TIMM10B: variants seen among roughly 807,000 people sequenced by gnomAD.
TIMM10B encodes translocase of inner mitochondrial membrane 10B, also known as mitochondrial import inner membrane translocase subunit Tim10 B.
TIMM10B carries 17 observed loss-of-function variants against 12.6 expected under a neutral mutation model. The observed-to-expected ratio is 1.35, with a 90% confidence interval of 0.92 to 2.03. The LOEUF (loss-of-function observed/expected upper bound fraction) is 2.03. Ranked by LOEUF, TIMM10B falls within the 30% of genes most tolerant of loss-of-function variation. The pLI, the probability that TIMM10B is intolerant of heterozygous loss-of-function variation, is 0.00. For synonymous variants in TIMM10B, 63 were observed against 51.3 expected, an observed-to-expected ratio of 1.23 and a Z score of -0.97; for missense variants, 165 against 133.3, an observed-to-expected ratio of 1.24 and a Z score of -1.17.
In TIMM10B at chr11:6,483,881, T is replaced by C. The variant is rs1016520738; in HGVS notation, c.*1660T>C. 9 of 152,200 alleles carry C rather than the reference T, an allele frequency of 5.9e-5. No homozygotes were observed. The highest frequency in any genetic ancestry group is 2.2e-4 in the African/African-American group (9 of 41,446). The allele number at this position is 152,200 out of a possible 1,614,324, so 9.4% of individuals were successfully genotyped here. ...GATCTGACTTTAAAGTCCATGTTCATTTTACACAGCAGGCTGCCTCTTAAG... is the reference window on the plus strand; with the variant it reads ...GATCTGACTTTAAAGTCCATGTTCACTTTACACAGCAGGCTGCCTCTTAAG... On this transcript the variant is annotated 3_prime_UTR_variant, in exon 3 of 3. Transcript: ENST00000254616.
In TIMM10B at chr11:6,481,745, C is replaced by T. The variant is rs747199863; in HGVS notation, c.40-12C>T. 3.1e-6 allele frequency: 5 copies of T among 1,613,962 alleles called. No individual in the cohort carries two copies. In the East Asian group the frequency reaches 8.9e-5, roughly 29 times the overall value. ...CCTTATCGCTGAGTTTGTGGTCCCC[C>T]TTTTCTCTCAGCTGCGTGACTTCCT... On this transcript the variant is annotated splice_polypyrimidine_tract_variant and intron_variant, in intron 1 of 2. Coordinates refer to ENST00000254616, the MANE Select transcript of TIMM10B (RefSeq NM_012192.4).
Position 6,482,258 on chromosome 11 carries a change from C to T in TIMM10B, c.*37C>T. ...CCCAGGAAGGAAGGCCTTGGATGGACCCTCAGATTGAAGGACCCGGTGGAC... is the reference window on the plus strand; with the variant it reads ...CCCAGGAAGGAAGGCCTTGGATGGATCCTCAGATTGAAGGACCCGGTGGAC... On this transcript the variant is annotated 3_prime_UTR_variant, in exon 3 of 3. Coordinates refer to ENST00000254616, the MANE Select transcript of TIMM10B (RefSeq NM_012192.4). 2 of 1,565,198 alleles carry T rather than the reference C, an allele frequency of 1.3e-6. No individual in the cohort carries two copies. Among genetic ancestry groups the T allele is most frequent in the Non-Finnish European group, 1.7e-6 (2 of 1,152,320 alleles).
Position 6,481,516 on chromosome 11 carries a change from G to A in TIMM10B, c.-1G>A. The A allele has an allele frequency of 6.2e-7, 1 of 1,612,938 alleles. No homozygotes were observed. Among genetic ancestry groups the A allele is most frequent in the Non-Finnish European group, 8.5e-7 (1 of 1,179,866 alleles). On this transcript the variant is annotated 5_prime_UTR_variant, in exon 1 of 3. Transcript: ENST00000254616. ...GGCGTACGGCATGCGCCGGTGGCGT[G>A]ATGGAGCGGCAGCAGCAGCAGCAAC...
Position 6,482,174 on chromosome 11 carries a change from C to G in TIMM10B, c.265C>G (p.Pro89Ala). ...AGACTACGAGGCTGCCTCGGCTGTGCCAGGCGTTGCTGCTGAACAGCCTGG... is the reference window on the plus strand; with the variant it reads ...AGACTACGAGGCTGCCTCGGCTGTGGCAGGCGTTGCTGCTGAACAGCCTGG... ...IADYEAASAV[P>A]GVAAEQPGVS... The change falls in exon 3 of 3, where the codon CCA becomes GCA. Residue 89 changes from proline to alanine, a missense_variant. Transcript: ENST00000254616. 1 of 1,610,922 alleles carries G rather than the reference C, an allele frequency of 6.2e-7. No individual in the cohort carries two copies. Among genetic ancestry groups the G allele is most frequent in the Non-Finnish European group, 8.5e-7 (1 of 1,179,934 alleles).
chr11:6,481,800 G>C lies in TIMM10B; in HGVS notation c.83G>C (p.Cys28Ser), dbSNP rs753510424. The change falls in exon 2 of 3, where the codon TGC becomes TCC. Residue 28 changes from cysteine to serine, a missense_variant. Coordinates refer to ENST00000254616, the MANE Select transcript of TIMM10B (RefSeq NM_012192.4). ...LLVYNRMTEL[C>S]FQRCVPSLHH... is the part of the protein sequence containing the mutation. Reference sequence around the variant, plus strand: ...GTCTACAATCGGATGACAGAACTCTGCTTCCAGCGCTGTGTGCCCAGCTTG... The same window carrying C: ...GTCTACAATCGGATGACAGAACTCTCCTTCCAGCGCTGTGTGCCCAGCTTG... The C allele has an allele frequency of 6.2e-6, 10 of 1,613,956 alleles. No homozygotes were observed. In the South Asian group the frequency reaches 9.9e-5, roughly 16 times the overall value.
In TIMM10B at chr11:6,482,184, C is replaced by A; in HGVS notation, c.275C>A (p.Ala92Asp). The change falls in exon 3 of 3, where the codon GCT (alanine) becomes GAT (aspartate). Residue 92 changes from alanine to aspartate, a missense_variant. By Grantham distance (126) the Ala-to-Asp change is moderately radical (BLOSUM62 -2). Transcript: ENST00000254616. Reference sequence around the variant, plus strand: ...GCTGCCTCGGCTGTGCCAGGCGTTGCTGCTGAACAGCCTGGGGTCTCTCCA... The same window carrying A: ...GCTGCCTCGGCTGTGCCAGGCGTTGATGCTGAACAGCCTGGGGTCTCTCCA... ...YEAASAVPGV[A>D]AEQPGVSPSG... 1 of 1,610,248 alleles carries A rather than the reference C, an allele frequency of 6.2e-7. No individual in the cohort carries two copies. The highest frequency in any genetic ancestry group is 8.5e-7 in the Non-Finnish European group (1 of 1,179,886).
Position 6,481,774 on chromosome 11 carries a change from G to A in TIMM10B, c.57G>A (p.Leu19=), listed in dbSNP as rs1417988301. The part of the protein sequence containing the change: ...QQLRNLRDFL[L]VYNRMTELCF... The stretch of plus-strand genomic sequence containing the variant: ...TCTCTCAGCTGCGTGACTTCCTGTT[G>A]GTCTACAATCGGATGACAGAACTCT... Residue 19 remains leucine, a synonymous_variant, in exon 2 of 3, where the codon TTG becomes TTA. Transcript: ENST00000254616. 4 of 1,613,982 alleles carry A rather than the reference G, an allele frequency of 2.5e-6. No homozygotes were observed. The highest frequency in any genetic ancestry group is 1.1e-5 in the South Asian group (1 of 91,082).
chr11:6,481,918 C>A (rs190145549), intron 2 of TIMM10B, 66 bp downstream of exon 2: 6 of 1,604,710 alleles, frequency 3.7e-6, no homozygotes, highest in Non-Finnish European at 5.1e-6. Flanking sequence ...TCCCTCCTCA[C>A]CCCACTTCCC....
chr11:6,481,538 C>T lies in TIMM10B; in HGVS notation c.22C>T (p.Gln8Ter). The T allele has an allele frequency of 1.9e-6, 3 of 1,611,794 alleles. No homozygotes were observed. Among genetic ancestry groups the T allele is most frequent in the Non-Finnish European group, 2.5e-6 (3 of 1,179,230 alleles). Residue 8 changes from glutamine (Q) to a stop codon, truncating the protein, a stop_gained, in exon 1 of 3, where the codon CAA (glutamine) becomes TAA (stop). Coordinates refer to ENST00000254616, the MANE Select transcript of TIMM10B (RefSeq NM_012192.4). LOFTEE classifies it high-confidence loss of function. Reference protein sequence around the residue: MERQQQQQQQLRNLRDFL... With the variant: MERQQQQ ...CGTGATGGAGCGGCAGCAGCAGCAGCAACAGCAACTGCGAAACGTAAGTGA... is the reference window on the plus strand; with the variant it reads ...CGTGATGGAGCGGCAGCAGCAGCAGTAACAGCAACTGCGAAACGTAAGTGA...
rs906998553 is a variant in TIMM10B at position 6,483,507 on chromosome 11, A to C, written c.*1286A>C. 24 of 152,322 alleles carry C rather than the reference A, an allele frequency of 1.6e-4. No individual in the cohort carries two copies. Among genetic ancestry groups the C allele is most frequent in the African/African-American group, 5.5e-4 (23 of 41,450 alleles). 9.4% of individuals were successfully genotyped at this position (152,322 alleles called of 1,614,324 possible). On this transcript the variant is annotated 3_prime_UTR_variant, in exon 3 of 3. Transcript: ENST00000254616. ...ATTCCTTCATTCAAACTGCTAGAGA[A>C]AAACAGTTGTGTAATGAATGCCACT...
Position 6,482,624 on chromosome 11 carries a change from G to A in TIMM10B, c.*403G>A, listed in dbSNP as rs1025541241. 13 of 169,836 alleles carry A rather than the reference G, an allele frequency of 7.7e-5. No individual in the cohort carries two copies. The highest frequency in any genetic ancestry group is 2.6e-4 in the African/African-American group (11 of 42,152). The allele number at this position is 169,836 out of a possible 1,614,324, so 10.5% of individuals were successfully genotyped here. The stretch of plus-strand genomic sequence containing the variant: ...CTTCACAACAAAACTATGAGTAAGC[G>A]GTATTAGCCTCACTTAACAGATGAG... On this transcript the variant is annotated 3_prime_UTR_variant, in exon 3 of 3. Transcript: ENST00000254616.
rs752348317 is a variant in TIMM10B at position 6,481,569 on chromosome 11, A to G, written c.39+14A>G. 2 of 1,600,170 alleles carry G rather than the reference A, an allele frequency of 1.2e-6. No individual in the cohort carries two copies. Reference sequence around the variant, plus strand: ...CAACTGCGAAACGTAAGTGAGAACTAAGTCGTTTCGAGGCCAGACGTTCAG... The same window carrying G: ...CAACTGCGAAACGTAAGTGAGAACTGAGTCGTTTCGAGGCCAGACGTTCAG... On this transcript the variant is annotated intron_variant, in intron 1 of 2. Coordinates refer to ENST00000254616, the MANE Select transcript of TIMM10B (RefSeq NM_012192.4).
At position 6,481,527 on chromosome 11, in the gene TIMM10B, A is replaced by C. The variant is rs563095226; in HGVS notation, c.11A>C (p.Gln4Pro). The C allele has an allele frequency of 3.0e-5, 47 of 1,579,148 alleles. No homozygotes were observed. The East Asian group carries it at 7.2e-4, about 24-fold the overall frequency. ...TGCGCCGGTGGCGTGATGGAGCGGC[A>C]GCAGCAGCAGCAACAGCAACTGCGA... MER[Q>P]QQQQQQLRNL... The change falls in exon 1 of 3, where the codon CAG becomes CCG. Residue 4 changes from glutamine (Q) to proline (P), a missense_variant. By Grantham distance (76) the Gln-to-Pro change is moderately conservative. Transcript: ENST00000254616.
intron 2 of TIMM10B, 26 bp downstream of exon 2, chr11:6,481,878 G>A (rs1851796184): frequency 1.2e-6 from 2 of 1,612,504 alleles, no homozygotes; most frequent in Non-Finnish European, 1.7e-6. Flanking sequence ...GGGAGGTTAC[G>A]CTGCAAGAAG....
rs530429244 is a variant in TIMM10B at position 6,482,066 on chromosome 11, G to T, written c.157G>T (p.Ala53Ser). 1.2e-5 allele frequency: 19 copies of T among 1,613,884 alleles called. No homozygotes were observed. In the South Asian group the frequency reaches 1.9e-4, roughly 16 times the overall value. ...AEEEACLHSC[A>S]GKLIHSNHRL... ...CTAGGAGGCCTGTCTGCACAGCTGT[G>T]CTGGGAAGCTGATCCATTCCAACCA... Residue 53 changes from alanine to serine, a missense_variant, in exon 3 of 3, where the codon GCT becomes TCT. Transcript: ENST00000254616.
rs1308476148 is a variant in TIMM10B at position 6,483,410 on chromosome 11, T to G, written c.*1189T>G. 6.6e-6 allele frequency: 1 copy of G among 152,174 alleles called. No homozygotes were observed. Among genetic ancestry groups the G allele is most frequent in the East Asian group, 1.9e-4 (1 of 5,186 alleles). The allele number at this position is 152,174 out of a possible 1,614,324, so 9.4% of individuals were successfully genotyped here. A position where few individuals can be genotyped will look rare whatever the true frequency, so the allele number is the denominator to read the frequency against. Reference sequence around the variant, plus strand: ...TGTATTCAGCAGCCTGGATAGCATATCATTCCATCACCCCATTTTCTTGCC... The same window carrying G: ...TGTATTCAGCAGCCTGGATAGCATAGCATTCCATCACCCCATTTTCTTGCC... On this transcript the variant is annotated 3_prime_UTR_variant, in exon 3 of 3. Coordinates refer to ENST00000254616, the MANE Select transcript of TIMM10B (RefSeq NM_012192.4).
chr11:6,482,061 G>A lies in TIMM10B; in HGVS notation c.152G>A (p.Ser51Asn). The stretch of plus-strand genomic sequence containing the variant: ...TCCTTCTAGGAGGCCTGTCTGCACA[G>A]CTGTGCTGGGAAGCTGATCCATTCC... Reference protein sequence around the residue: ...LDAEEEACLHSCAGKLIHSNH... With the variant: ...LDAEEEACLHNCAGKLIHSNH... The change falls in exon 3 of 3, where the codon AGC becomes AAC. Residue 51 changes from serine (S) to asparagine (N), a missense_variant. By Grantham distance (46) the Ser-to-Asn change is conservative (BLOSUM62 1). Transcript: ENST00000254616. 2 of 1,613,716 alleles carry A rather than the reference G, an allele frequency of 1.2e-6. No individual in the cohort carries two copies. Among genetic ancestry groups the A allele is most frequent in the South Asian group, 1.1e-5 (1 of 91,068 alleles).
At position 6,482,632 on chromosome 11, in the gene TIMM10B, C is replaced by G. The variant is rs1370698048; in HGVS notation, c.*411C>G. 1 of 165,500 alleles carries G rather than the reference C, an allele frequency of 6.0e-6. No individual in the cohort carries two copies. Among genetic ancestry groups the G allele is most frequent in the Non-Finnish European group, 1.3e-5 (1 of 75,084 alleles). The allele number at this position is 165,500 out of a possible 1,614,324, so 10.3% of individuals were successfully genotyped here. A position where few individuals can be genotyped will look rare whatever the true frequency, so the allele number is the denominator to read the frequency against. On this transcript the variant is annotated 3_prime_UTR_variant, in exon 3 of 3. Transcript: ENST00000254616. ...CAAAACTATGAGTAAGCGGTATTAG[C>G]CTCACTTAACAGATGAGGAAGCAAG...
At chr11:6,481,897 G>A (rs2303492) in intron 2 of TIMM10B, 45 bp downstream of exon 2, 500,674 of 1,609,496 alleles carry the variant, frequency 0.31, 81,254 homozygotes, top group Admixed American at 0.42. Flanking sequence ...AGAGTTTAGC[G>A]GTAGACTGCT....
Sources: allele counts gnomAD v4.1 joint callset, GRCh38; gene constraint gnomAD v4.1.1; transcripts MANE v1.5; gene names NCBI Gene and HGNC (gene_info 2026-07-23, HGNC 2026-07-21).